The following PRELID2 variants were observed in gnomAD, a reference collection of about 807,000 sequenced individuals.
The protein encoded by PRELID2 is PRELI domain containing 2, also known as PRELI domain-containing protein 2.
Under a neutral mutation model 28.4 loss-of-function variants are expected in PRELID2, and 25 were observed. That is an observed-to-expected ratio of 0.88 (90% CI 0.64 to 1.23). PRELID2 has a LOEUF of 1.23. Ranked by LOEUF, PRELID2 falls within the 50% of genes most tolerant of loss-of-function variation. The probability of loss-of-function intolerance (pLI) is 0.00; values close to 1 mark genes in which losing one functional copy is unlikely to be tolerated. For missense variants in PRELID2, 201 were observed against 214.4 expected, an observed-to-expected ratio of 0.94 and a Z score of 0.39; for synonymous variants, 76 against 71.6, an observed-to-expected ratio of 1.06 and a Z score of -0.31.
At chr5:145,545,329 C>T (rs1752777020) in intron 1 of PRELID2, among the ~76,000 whole-genome samples, 1 of 152,004 alleles carries the variant, frequency 6.6e-6, no homozygotes, top group Non-Finnish European at 1.5e-5. Context: ...ACTATAGAGA[C>T]TCCTGGGATG....
chr5:145,753,215 G>A (rs927457005), downstream of PRELID2, among the ~76,000 whole-genome samples: 1 of 152,108 alleles, frequency 6.6e-6, no homozygotes, highest in Admixed American at 6.6e-5. Flanking sequence ...AATTTAACAG[G>A]ATAGTGGCTG....
intron 1 of PRELID2, among the ~76,000 whole-genome samples, chr5:145,741,324 T>A (rs1461931345): frequency 8.6e-5 from 3 of 34,924 alleles, no homozygotes; most frequent in African/African-American, 2.4e-4. Context: ...TATAAATAAA[T>A]TATTTATATA....
Position 145,794,772 on chromosome 5 carries a change from A to C in PRELID2, c.474+1670T>G, listed in dbSNP as rs187226624. Among the ~76,000 whole-genome samples the C allele has an allele frequency of 4.3e-3, 655 of 152,302 alleles. 19 individuals are homozygous for C. The highest frequency in any genetic ancestry group is 0.038 in the Admixed American group (575 of 15,280). On this transcript the variant is annotated intron_variant, in intron 5 of 6. Transcript: ENST00000683046. ...TTCACTTTATGTGTCTCACAGGATC[A>C]GAATGTACATAACCACTGTGCAATT...
intron 1 of PRELID2, among the ~76,000 whole-genome samples, chr5:145,616,509 G>T (rs574826304): frequency 1.3e-5 from 2 of 152,258 alleles, no homozygotes; most frequent in East Asian, 3.9e-4. Flanking sequence ...AGGTACAAAA[G>T]AGAGAAATTT....
At chr5:145,231,273 C>A in the PRELID2 span, among the ~76,000 whole-genome samples, 1 of 151,408 alleles carries the variant, frequency 6.6e-6, no homozygotes, top group African/African-American at 2.4e-5. Flanking sequence ...TTTAATTCCA[C>A]AGGTTTTGGG....
chr5:145,791,933 T>G (rs1426241820), intron 5 of PRELID2, among the ~76,000 whole-genome samples: 1 of 152,144 alleles, frequency 6.6e-6, no homozygotes, highest in Admixed American at 6.6e-5. Flanking sequence ...TCAGCTGTAG[T>G]GTAGACGACA....
chr5:145,524,941 G>T (rs796596172), intron 1 of PRELID2, among the ~76,000 whole-genome samples: 1 of 152,148 alleles, frequency 6.6e-6, no homozygotes, highest in Non-Finnish European at 1.5e-5. Flanking sequence ...TGTTACATAG[G>T]AAGAGTTTGA....
chr5:145,247,626 G>A, the PRELID2 span, among the ~76,000 whole-genome samples: 7 of 152,246 alleles, frequency 4.6e-5, no homozygotes, highest in African/African-American at 1.7e-4. Context: ...AGTATTGAAT[G>A]CCAATCAGGC....
chr5:145,481,301 TA>T (rs1752157141), intron 1 of PRELID2, among the ~76,000 whole-genome samples: 1 of 152,006 alleles, frequency 6.6e-6, no homozygotes, highest in Non-Finnish European at 1.5e-5. Flanking sequence ...TTTTAACTTT[TA>T]ATTCTTAACT....
intron 5 of PRELID2, among the ~76,000 whole-genome samples, chr5:145,787,340 C>T (rs1229376744): frequency 6.6e-6 from 1 of 152,076 alleles, no homozygotes; most frequent in African/African-American, 2.4e-5. Flanking sequence ...TTGTAAGCAA[C>T]TATGTGGGGG....
intron 1 of PRELID2, among the ~76,000 whole-genome samples, chr5:145,627,431 C>A (rs894235860): frequency 6.6e-6 from 1 of 152,094 alleles, no homozygotes; most frequent in South Asian, 2.1e-4. Context: ...AAAGTCCAGA[C>A]TTCACCACTA....
intron 1 of PRELID2, among the ~76,000 whole-genome samples, chr5:145,684,191 A>G (rs1345882047): frequency 6.6e-6 from 1 of 152,226 alleles, no homozygotes; most frequent in Non-Finnish European, 1.5e-5. Flanking sequence ...TATGTAGAGG[A>G]GAAAAATGAC....
At chr5:145,353,683 A>C in the PRELID2 span, among the ~76,000 whole-genome samples, 1 of 152,062 alleles carries the variant, frequency 6.6e-6, no homozygotes, top group Admixed American at 6.6e-5. Flanking sequence ...AGATCTCATG[A>C]GAACTCACTC....
the PRELID2 span, among the ~76,000 whole-genome samples, chr5:145,424,632 T>C: frequency 6.6e-6 from 1 of 152,040 alleles, no homozygotes; most frequent in Non-Finnish European, 1.5e-5. Context: ...CGGCACTCCC[T>C]AGTGAGATGA....
the PRELID2 span, among the ~76,000 whole-genome samples, chr5:145,446,283 A>T: frequency 2.0e-5 from 3 of 152,246 alleles, no homozygotes; most frequent in South Asian, 4.1e-4. Flanking sequence ...AATGAAAAAA[A>T]GTTCATTAAC....
At chr5:145,791,879 T>C (rs1190452528) in intron 5 of PRELID2, among the ~76,000 whole-genome samples, 1 of 152,158 alleles carries the variant, frequency 6.6e-6, no homozygotes, top group African/African-American at 2.4e-5. Context: ...GGGTGAAACG[T>C]TAGCTAACAC....
intron 5 of PRELID2, among the ~76,000 whole-genome samples, chr5:145,779,593 T>A (rs1471904557): frequency 4.6e-5 from 7 of 152,184 alleles, no homozygotes; most frequent in Admixed American, 6.5e-5. Flanking sequence ...ATTATGACTG[T>A]GTTTAAAATT....
At chr5:145,451,091 T>C in the PRELID2 span, 1 of 152,200 alleles carries the variant, frequency 6.6e-6, no homozygotes, top group Non-Finnish European at 1.5e-5. Flanking sequence ...ATACCTTTAC[T>C]GTAGAGCCTT....
the PRELID2 span, among the ~76,000 whole-genome samples, chr5:145,284,446 G>C: frequency 2.0e-5 from 3 of 152,026 alleles, no homozygotes; most frequent in Non-Finnish European, 4.4e-5. Flanking sequence ...TCACAGCCGG[G>C]CAAGAAATGC....
Sources: gnomAD v4.1 joint callset for allele counts (sites outside exome capture counted in the v4.1 genomes callset) on GRCh38, gnomAD v4.1.1 for gene constraint, MANE v1.5 for transcripts, NCBI Gene and HGNC (gene_info 2026-07-23, HGNC 2026-07-21) for gene names.